The following PCDHA11 variants were observed in gnomAD, a reference collection of about 807,000 sequenced individuals.
PCDHA11 encodes the protein protocadherin alpha-11.
PCDHA11 carries 61 observed loss-of-function variants against 70.3 expected under a neutral mutation model. The ratio of observed to expected loss-of-function variants is 0.87; its 90% confidence interval spans 0.71 to 1.07. The LOEUF (loss-of-function observed/expected upper bound fraction) is 1.07. Ranked by LOEUF, PCDHA11 falls within the 50% of genes least tolerant of loss-of-function variation. The pLI is 0.00. For synonymous variants in PCDHA11, 633 were observed against 555.1 expected (o/e 1.14, Z -1.97); for missense variants, 1,324 against 1,237.5 (o/e 1.07, Z -1.05).
chr5:140,948,525 A>G (rs187765359), intron 1 of PCDHA11, among the ~76,000 whole-genome samples: 2 of 151,708 alleles, frequency 1.3e-5, no homozygotes, highest in Admixed American at 1.3e-4. Flanking sequence ...AACACTATTT[A>G]TATTTTATTT....
At chr5:140,941,255 C>CTTTCTTTCTTTCTTTCTCTT (rs782490896) in intron 1 of PCDHA11, among the ~76,000 whole-genome samples, 1 of 44,508 alleles carries the variant, frequency 2.2e-5, no homozygotes, top group Non-Finnish European at 5.1e-5. Context: ...TTCTTTCTTT[C>CTTTCTTTCTTTCTTTCTCTT]TCTTTCTTTC....
intron 3 of PCDHA11, among the ~76,000 whole-genome samples, chr5:140,992,189 G>T (rs1554252741): frequency 6.6e-6 from 1 of 152,098 alleles, no homozygotes; most frequent in Non-Finnish European, 1.5e-5. Context: ...TGCTTTCAGT[G>T]ATCTATCCAA....
intron 3 of PCDHA11, among the ~76,000 whole-genome samples, chr5:141,005,617 G>C (rs1419951778): frequency 6.7e-6 from 1 of 149,280 alleles, no homozygotes; most frequent in Non-Finnish European, 1.5e-5. Context: ...CAGGAGAATG[G>C]CGTGAACCCG....
intron 2 of PCDHA11, among the ~76,000 whole-genome samples, chr5:140,981,149 G>T (rs2096919822): frequency 6.6e-6 from 1 of 152,202 alleles, no homozygotes; most frequent in South Asian, 2.1e-4. Flanking sequence ...AGAAAACATT[G>T]AACTTATATG....
At chr5:140,985,532 G>T (rs1358120172) in intron 3 of PCDHA11, among the ~76,000 whole-genome samples, 1 of 152,072 alleles carries the variant, frequency 6.6e-6, no homozygotes, top group Non-Finnish European at 1.5e-5. Context: ...AAAGCTTCAC[G>T]GTGAAGATGC....
rs59860837 is a variant in PCDHA11 at position 141,005,701 on chromosome 5, C to CAAAAA, written c.2540-3900_2540-3896dup. 5.2e-3 allele frequency among the ~76,000 whole-genome samples: 40 copies of CAAAAA among 7,764 alleles called. 2 individuals are homozygous for CAAAAA. Among genetic ancestry groups the CAAAAA allele is most frequent in the East Asian group, 0.013 (4 of 312 alleles). The allele number at this position is 7,764 out of a possible 152,430, so 5.1% of individuals were successfully genotyped here. On this transcript the variant is annotated intron_variant, in intron 3 of 3. Coordinates refer to ENST00000398640, the MANE Select transcript of PCDHA11 (RefSeq NM_018902.5). ...TGGGCGACAGAGCGAAACTCCGTCT[C>CAAAAA]AAAAAAAAAAAAAAAAAAAAAAAAA...
intron 1 of PCDHA11, chr5:140,883,758 G>A (rs781858673): frequency 3.1e-6 from 5 of 1,612,920 alleles, no homozygotes; most frequent in South Asian, 1.1e-5. Context: ...CTGGTGGAGC[G>A]GCGGGTGGGC....
Position 140,869,022 on chromosome 5 carries a change from C to G in PCDHA11, c.-82C>G. 1 of 1,525,610 alleles carries G rather than the reference C, an allele frequency of 6.6e-7. No individual in the cohort carries two copies. Among genetic ancestry groups the G allele is most frequent in the African/African-American group, 1.4e-5 (1 of 71,886 alleles). The allele number at this position is 1,525,610 out of a possible 1,614,324, so 94.5% of individuals were successfully genotyped here. On this transcript the variant is annotated 5_prime_UTR_variant, in exon 1 of 4. An upstream open reading frame in the 5' UTR gains an earlier in-frame stop. Transcript: ENST00000398640. ...GATCCTTTGAAACTTCTTAAGAATT[C>G]AACGAGATTTTTAACCTGAAACTGA...
intron 1 of PCDHA11, among the ~76,000 whole-genome samples, chr5:140,959,348 G>C (rs991931151): frequency 1.3e-5 from 2 of 152,110 alleles, no homozygotes; most frequent in Admixed American, 6.5e-5. Flanking sequence ...GCACTCCAGC[G>C]GGACAACTGA....
At chr5:140,968,027 C>G in intron 1 of PCDHA11, 2 of 1,614,200 alleles carry the variant, frequency 1.2e-6, no homozygotes, top group Middle Eastern at 1.6e-4. Flanking sequence ...CTCCTATACA[C>G]TGGTGGTGAG....
intron 1 of PCDHA11, among the ~76,000 whole-genome samples, chr5:140,879,020 TATTG>T (rs1366518511): frequency 6.6e-6 from 1 of 152,230 alleles, no homozygotes; most frequent in African/African-American, 2.4e-5. Context: ...GATAATGTTT[TATTG>T]AAGAGTGTCT....
Position 140,869,163 on chromosome 5 carries a change from C to T in PCDHA11, c.60C>T (p.Leu20=). The T allele has an allele frequency of 6.2e-7, 1 of 1,613,910 alleles. No homozygotes were observed. The highest frequency in any genetic ancestry group is 8.5e-7 in the Non-Finnish European group (1 of 1,179,852). The change falls in exon 1 of 4, where the codon CTC becomes CTT. Residue 20 remains leucine, a synonymous_variant. Coordinates refer to ENST00000398640, the MANE Select transcript of PCDHA11 (RefSeq NM_018902.5). ...CACGACTACAGCTCTGGCTTCTCCTCCTCGAATTCTGGGAGGTGGGGAGCG... is the reference window on the plus strand; with the variant it reads ...CACGACTACAGCTCTGGCTTCTCCTTCTCGAATTCTGGGAGGTGGGGAGCG... The part of the protein sequence containing the change: ...GTPRLQLWLL[L]LEFWEVGSGQ...
Position 140,930,862 on chromosome 5 carries a change from GGT to G in PCDHA11, c.2392-48086_2392-48085del, listed in dbSNP as rs1554208154. On this transcript the variant is annotated intron_variant, in intron 1 of 3. Coordinates refer to ENST00000398640, the MANE Select transcript of PCDHA11 (RefSeq NM_018902.5). Reference sequence around the variant, plus strand: ...AAATATGTGCATATATGAATTGGATGGTAACACTGTTCAACACAGAGGGAAAA... The same window carrying G: ...AAATATGTGCATATATGAATTGGATGAACACTGTTCAACACAGAGGGAAAA... 5.3e-3 allele frequency among the ~76,000 whole-genome samples: 803 copies of G among 152,226 alleles called. 3 individuals carry two copies. Among genetic ancestry groups the G allele is most frequent in the Non-Finnish European group, 8.4e-3 (568 of 67,990 alleles).
chr5:141,008,579 T>C (rs1554261820), intron 3 of PCDHA11, among the ~76,000 whole-genome samples: 1 of 152,232 alleles, frequency 6.6e-6, no homozygotes, highest in African/African-American at 2.4e-5. Flanking sequence ...TTCCCAAGAC[T>C]CAGGGCAGAT....
In PCDHA11 at chr5:141,003,240, CAA is replaced by C. The variant is rs1287973511; in HGVS notation, c.2540-6383_2540-6382del. ...GAAAGAGGAAAGCTGGAAATTTTGC[CAA>C]AAAGATTCCTGGGCAGTGCCTAAGG... On this transcript the variant is annotated intron_variant, in intron 3 of 3. Transcript: ENST00000398640. Among the ~76,000 whole-genome samples the C allele has an allele frequency of 2.6e-5, 4 of 152,150 alleles. No individual in the cohort carries two copies. In the East Asian group the frequency reaches 7.7e-4, roughly 29 times the overall value.
intron 1 of PCDHA11, among the ~76,000 whole-genome samples, chr5:140,925,729 A>AAATATTTACAGAAAG (rs1334705925): frequency 8.6e-5 from 13 of 151,770 alleles, no homozygotes; most frequent in African/African-American, 2.9e-4. Context: ...GGTGTTTTCT[A>AAATATTTACAGAAAG]AATATTTACA....
chr5:140,875,218 C>T (rs2055357705), intron 1 of PCDHA11: 1 of 744,910 alleles, frequency 1.3e-6, no homozygotes, highest in South Asian at 3.4e-5. Flanking sequence ...CGAAAAGAAC[C>T]TCAGGATCTT....
chr5:140,921,101 C>T (rs1331761775), intron 1 of PCDHA11, among the ~76,000 whole-genome samples: 3 of 152,002 alleles, frequency 2.0e-5, no homozygotes, highest in African/African-American at 4.8e-5. Context: ...CTGCCTCAGT[C>T]TCCTAAGTAG....
chr5:140,983,924 A>G (rs1554245819), intron 3 of PCDHA11, among the ~76,000 whole-genome samples: 1 of 152,216 alleles, frequency 6.6e-6, no homozygotes, highest in African/African-American at 2.4e-5. Flanking sequence ...AGGATTTGCT[A>G]TTTATGGATG....
Sources: gnomAD v4.1 joint callset for allele counts (sites outside exome capture counted in the v4.1 genomes callset) on GRCh38, gnomAD v4.1.1 for gene constraint, MANE v1.5 for transcripts, NCBI Gene and HGNC (gene_info 2026-07-23, HGNC 2026-07-21) for gene names.